The following PIP4K2A variants were observed in gnomAD, a reference collection of about 807,000 sequenced individuals.
PIP4K2A encodes the protein phosphatidylinositol-5-phosphate 4-kinase type 2 alpha, also known as phosphatidylinositol 5-phosphate 4-kinase type-2 alpha.
In PIP4K2A, 14 loss-of-function variants were observed where a neutral mutation model predicts 42.9. The observed-to-expected ratio is 0.33, with a 90% CI of 0.22 to 0.51. The LOEUF is 0.51. Among genes scored for constraint, PIP4K2A ranks in the 20% least tolerant of loss-of-function variants. The pLI, the probability that PIP4K2A is intolerant of heterozygous loss-of-function variation, is 0.97. For missense variants in PIP4K2A, 434 were observed against 519.8 expected (o/e 0.83, Z 1.61); for synonymous variants, 192 against 192.2 (o/e 1.00, Z 0.01).
chr10:22,668,670 C>T (rs569864861), intron 1 of PIP4K2A, among the ~76,000 whole-genome samples: 14 of 151,958 alleles, frequency 9.2e-5, no homozygotes, highest in Non-Finnish European at 1.8e-4. Flanking sequence ...TCTATATGGC[C>T]CACAATGTAA....
chr10:22,629,689 T>G (rs1385440688), intron 1 of PIP4K2A, among the ~76,000 whole-genome samples: 2 of 152,202 alleles, frequency 1.3e-5, no homozygotes, highest in Non-Finnish European at 2.9e-5. Flanking sequence ...TTGACTAAAT[T>G]AGCTAAATCA....
intron 1 of PIP4K2A, among the ~76,000 whole-genome samples, chr10:22,631,223 C>T (rs1364055502): frequency 6.6e-6 from 1 of 152,162 alleles, no homozygotes; most frequent in Non-Finnish European, 1.5e-5. Flanking sequence ...CTGTCATGGG[C>T]TCAATGTTTT....
chr10:22,664,096 T>C (rs1839274384), intron 1 of PIP4K2A, among the ~76,000 whole-genome samples: 3 of 82,814 alleles, frequency 3.6e-5, no homozygotes, highest in African/African-American at 1.9e-4. Context: ...TATACATATA[T>C]ATATATACAT....
chr10:22,650,286 C>CT (rs1838966123), intron 1 of PIP4K2A, among the ~76,000 whole-genome samples: 2 of 152,104 alleles, frequency 1.3e-5, no homozygotes, highest in Non-Finnish European at 2.9e-5. Flanking sequence ...CTGGGTATCC[C>CT]TTTGTCACCC....
intron 1 of PIP4K2A, among the ~76,000 whole-genome samples, chr10:22,613,760 C>T (rs377634071): frequency 8.5e-5 from 13 of 152,246 alleles, no homozygotes; most frequent in African/African-American, 3.1e-4. Context: ...GGATGACATT[C>T]CTCATTCTGG....
rs186570023 is a variant in PIP4K2A at position 22,574,293 on chromosome 10, G to A, written c.493-836C>T. Among the ~76,000 whole-genome samples the A allele has an allele frequency of 2.4e-4, 36 of 152,262 alleles. No homozygotes were observed. The East Asian group carries it at 3.1e-3, about 13-fold the overall frequency. On this transcript the variant is annotated intron_variant, in intron 4 of 9. Transcript: ENST00000376573. ...AAAAAAGCTCTATGTCCACTGACAC[G>A]TGTGCAATCTCCAGGATAATAAACA...
chr10:22,664,869 T>C (rs1564460618), intron 1 of PIP4K2A, among the ~76,000 whole-genome samples: 2 of 152,054 alleles, frequency 1.3e-5, no homozygotes, highest in Admixed American at 6.6e-5. Context: ...AGAATACTAA[T>C]AACACAAAAT....
intron 4 of PIP4K2A, among the ~76,000 whole-genome samples, chr10:22,588,938 C>T (rs931430392): frequency 2.3e-4 from 35 of 152,134 alleles, no homozygotes; most frequent in African/African-American, 7.5e-4. Flanking sequence ...GTTAAAGCCC[C>T]TGGGAGGTGT....
intron 7 of PIP4K2A, among the ~76,000 whole-genome samples, chr10:22,543,228 A>C (rs1218390280): frequency 6.6e-6 from 1 of 152,158 alleles, no homozygotes. Context: ...ACCCCTGGGC[A>C]CAGGGCTATC....
chr10:22,607,784 G>T (rs984196208), intron 3 of PIP4K2A, 143 bp downstream of exon 3: 17 of 556,710 alleles, frequency 3.1e-5, no homozygotes, highest in Non-Finnish European at 5.5e-5. Context: ...ACTTCAGCAT[G>T]AACATTAAAA....
chr10:22,547,653 T>TA (rs1470195202), intron 7 of PIP4K2A, among the ~76,000 whole-genome samples: 2 of 152,054 alleles, frequency 1.3e-5, no homozygotes, highest in African/African-American at 4.8e-5. Flanking sequence ...TGTGAGGGGG[T>TA]ACTCCTGGAT....
At chr10:22,570,772 A>T (rs1235684140) in intron 5 of PIP4K2A, among the ~76,000 whole-genome samples, 1 of 152,186 alleles carries the variant, frequency 6.6e-6, no homozygotes, top group Non-Finnish European at 1.5e-5. Context: ...CAATGGTGGG[A>T]AGAACTGCTA....
intron 3 of PIP4K2A, among the ~76,000 whole-genome samples, chr10:22,601,734 G>T (rs1837785297): frequency 1.3e-5 from 2 of 152,210 alleles, no homozygotes; most frequent in Admixed American, 6.5e-5. Flanking sequence ...ACCTCATTCA[G>T]AGTTGTGACC....
chr10:22,596,249 G>A (rs901182534), intron 3 of PIP4K2A, among the ~76,000 whole-genome samples: 13 of 145,674 alleles, frequency 8.9e-5, no homozygotes, highest in East Asian at 6.0e-4. Context: ...GACTCGACTC[G>A]TTGCTCTAGG....
At chr10:22,596,330 A>G (rs1837635279) in intron 3 of PIP4K2A, among the ~76,000 whole-genome samples, 1 of 152,212 alleles carries the variant, frequency 6.6e-6, no homozygotes, top group Non-Finnish European at 1.5e-5. Context: ...TCCGATCAGA[A>G]GACAGTACAA....
chr10:22,712,646 G>A (rs1712464765), intron 1 of PIP4K2A, among the ~76,000 whole-genome samples: 1 of 152,166 alleles, frequency 6.6e-6, no homozygotes, highest in Non-Finnish European at 1.5e-5. Flanking sequence ...AAACTTGAGA[G>A]AGGAGTTTTT....
In PIP4K2A at chr10:22,642,557, T is replaced by C. The variant is rs573408381; in HGVS notation, c.145-32840A>G. Among the ~76,000 whole-genome samples, 10 of 152,068 alleles carry C rather than the reference T, an allele frequency of 6.6e-5. No homozygotes were observed. In the East Asian group the frequency reaches 1.6e-3, roughly 24 times the overall value. On this transcript the variant is annotated intron_variant, in intron 1 of 9. Coordinates refer to ENST00000376573, the MANE Select transcript of PIP4K2A (RefSeq NM_005028.5). ...TAACAGTGTATTTATAAACAGATCA[T>C]GTGTGTCTGTATGTATATTTATATG...
intron 1 of PIP4K2A, among the ~76,000 whole-genome samples, chr10:22,640,787 A>G (rs1472185727): frequency 9.8e-5 from 15 of 152,326 alleles, no homozygotes; most frequent in Admixed American, 9.8e-4. Context: ...TGCAAAGTGG[A>G]AATAAAGTGC....
chr10:22,636,252 A>C (rs1230430801), intron 1 of PIP4K2A, among the ~76,000 whole-genome samples: 1 of 152,144 alleles, frequency 6.6e-6, no homozygotes, highest in Non-Finnish European at 1.5e-5. Flanking sequence ...TTTCAAATTT[A>C]TTTATTTTTA....
Sources: gnomAD v4.1 joint callset for allele counts (sites outside exome capture counted in the v4.1 genomes callset) on GRCh38, gnomAD v4.1.1 for gene constraint, MANE v1.5 for transcripts, NCBI Gene and HGNC (gene_info 2026-07-23, HGNC 2026-07-21) for gene names.